Variants in MYO5A observed in about 807,000 individuals in gnomAD.
MYO5A encodes unconventional myosin-Va.
MYO5A carries 98 observed loss-of-function variants against 249.7 expected under a neutral mutation model. The ratio of observed to expected loss-of-function variants is 0.39; its 90% CI spans 0.33 to 0.46. The LOEUF (loss-of-function observed/expected upper bound fraction) is 0.46, where lower values mean the gene tolerates loss of function less well. MYO5A is among the 20% of genes least tolerant of loss of function. The pLI is 0.98. For missense variants in MYO5A, 1,696 were observed against 2,308.8 expected, an observed-to-expected ratio of 0.73 and a Z score of 5.44; for synonymous variants, 778 against 810.6, an observed-to-expected ratio of 0.96 and a Z score of 0.68.
At chr15:52,514,401 G>GT (rs1394351915) in intron 1 of MYO5A, among the ~76,000 whole-genome samples, 8 of 152,198 alleles carry the variant, frequency 5.3e-5, no homozygotes. Flanking sequence ...GCAGTAAAGG[G>GT]TTAGGACAGA....
intron 1 of MYO5A, among the ~76,000 whole-genome samples, chr15:52,512,188 T>A (rs1397778902): frequency 6.6e-6 from 1 of 151,208 alleles, no homozygotes; most frequent in Non-Finnish European, 1.5e-5. Flanking sequence ...ATTGATATCA[T>A]AATTCACCAA....
At chr15:52,430,624 T>C (rs2075507288) in intron 2 of MYO5A, among the ~76,000 whole-genome samples, 1 of 152,210 alleles carries the variant, frequency 6.6e-6, no homozygotes, top group African/African-American at 2.4e-5. Context: ...TTCTTCTTGT[T>C]TGACCCCTGT....
intron 1 of MYO5A, among the ~76,000 whole-genome samples, chr15:52,466,533 A>G (rs756809103): frequency 6.6e-6 from 1 of 152,206 alleles, no homozygotes. Context: ...GAACCTTGCC[A>G]AGACTGGGGT....
intron 1 of MYO5A, among the ~76,000 whole-genome samples, chr15:52,468,799 C>T (rs1464505005): frequency 6.6e-6 from 1 of 152,134 alleles, no homozygotes; most frequent in African/African-American, 2.4e-5. Flanking sequence ...ATGGAATCAA[C>T]AGGCACAACC....
At chr15:52,339,995 G>A (rs572117113) in intron 32 of MYO5A, among the ~76,000 whole-genome samples, 3 of 152,292 alleles carry the variant, frequency 2.0e-5, no homozygotes, top group South Asian at 2.1e-4. Flanking sequence ...GCAGCCCTCC[G>A]TGATAAAGAG....
intron 35 of MYO5A, 90 bp from the exon 36 acceptor site, chr15:52,328,096 G>T: frequency 9.3e-7 from 1 of 1,076,742 alleles, no homozygotes. Flanking sequence ...TGTCATGTAA[G>T]AGTTCAATCA....
intron 1 of MYO5A, among the ~76,000 whole-genome samples, chr15:52,523,575 A>G (rs1386599955): frequency 1.3e-5 from 2 of 152,238 alleles, no homozygotes. Flanking sequence ...AGTAACCGTA[A>G]TAAGACAGAA....
At chr15:52,385,927 T>G (rs766345998) in intron 14 of MYO5A, among the ~76,000 whole-genome samples, 34 of 152,104 alleles carry the variant, frequency 2.2e-4, no homozygotes, top group African/African-American at 8.2e-4. Flanking sequence ...TGCAAATGAT[T>G]TGTCAGAATG....
intron 9 of MYO5A, among the ~76,000 whole-genome samples, chr15:52,399,484 T>A (rs2042647339): frequency 6.6e-6 from 1 of 152,310 alleles, no homozygotes; most frequent in African/African-American, 2.4e-5. Flanking sequence ...AGTCACTTTA[T>A]TTCCCTCTAG....
At chr15:52,470,097 A>C (rs1408972721) in intron 1 of MYO5A, among the ~76,000 whole-genome samples, 1 of 152,244 alleles carries the variant, frequency 6.6e-6, no homozygotes, top group Non-Finnish European at 1.5e-5. Context: ...TTCTATAACA[A>C]TAATGGCACC....
intron 1 of MYO5A, among the ~76,000 whole-genome samples, chr15:52,476,654 C>T (rs904563354): frequency 1.3e-5 from 2 of 152,162 alleles, no homozygotes; most frequent in Admixed American, 1.3e-4. Context: ...ACTTATGAAG[C>T]TTAGTTTGGC....
intron 23 of MYO5A, among the ~76,000 whole-genome samples, chr15:52,366,086 C>A (rs941910982): frequency 1.3e-5 from 2 of 152,078 alleles, no homozygotes; most frequent in Non-Finnish European, 2.9e-5. Context: ...CTCTTACCAC[C>A]ACAGTTTTAA....
chr15:52,454,049 A>C (rs751723778), intron 1 of MYO5A, among the ~76,000 whole-genome samples: 2 of 152,118 alleles, frequency 1.3e-5, no homozygotes, highest in Non-Finnish European at 2.9e-5. Flanking sequence ...AAAATTCTCC[A>C]ATCAAAAAAG....
At chr15:52,500,584 G>T (rs905369161) in intron 1 of MYO5A, among the ~76,000 whole-genome samples, 18 of 152,042 alleles carry the variant, frequency 1.2e-4, no homozygotes, top group African/African-American at 4.3e-4. Flanking sequence ...CTGACCTCAG[G>T]TGATCCGCCC....
intron 38 of MYO5A, 46 bp downstream of exon 38, chr15:52,321,313 A>G: frequency 6.2e-7 from 1 of 1,613,300 alleles, no homozygotes; most frequent in East Asian, 2.2e-5. Flanking sequence ...ATCGATGGGC[A>G]TGAATGATAG....
intron 1 of MYO5A, among the ~76,000 whole-genome samples, chr15:52,487,978 T>C (rs2076859134): frequency 6.6e-6 from 1 of 152,116 alleles, no homozygotes; most frequent in African/African-American, 2.4e-5. Flanking sequence ...GATGAAAGCT[T>C]TCTAATTCTG....
intron 39 of MYO5A, among the ~76,000 whole-genome samples, chr15:52,318,448 C>A (rs936688055): frequency 2.0e-5 from 2 of 99,286 alleles, no homozygotes; most frequent in Admixed American, 1.2e-4. Context: ...AAGAGCAAAA[C>A]TCCATCTCAA....
chr15:52,480,064 A>G (rs1325508693), intron 1 of MYO5A, among the ~76,000 whole-genome samples: 1 of 152,178 alleles, frequency 6.6e-6, no homozygotes, highest in African/African-American at 2.4e-5. Context: ...CAAACCCTAC[A>G]TCCCCACCTA....
At chr15:52,461,064 C>T (rs928605264) in intron 1 of MYO5A, among the ~76,000 whole-genome samples, 8 of 152,276 alleles carry the variant, frequency 5.3e-5, no homozygotes, top group Admixed American at 1.3e-4. Flanking sequence ...ACGATCCTCC[C>T]GCCTCAGCCT....
Sources: gnomAD v4.1 joint callset for allele counts (sites outside exome capture counted in the v4.1 genomes callset) on GRCh38, gnomAD v4.1.1 for gene constraint, MANE v1.5 for transcripts, NCBI Gene and HGNC (gene_info 2026-07-23, HGNC 2026-07-21) for gene names.